KMT2C: variants seen among roughly 807,000 people sequenced by gnomAD.
The protein encoded by KMT2C is lysine methyltransferase 2C, also known as histone-lysine N-methyltransferase 2C.
A neutral mutation model predicts 507.9 loss-of-function variants in KMT2C; 88 were observed. That is an observed-to-expected ratio of 0.17 (90% CI 0.15 to 0.21). KMT2C has a LOEUF of 0.21. Among genes scored for constraint, KMT2C ranks in the 10% least tolerant of loss-of-function variants. The pLI is 1.00. For missense variants in KMT2C, 4,954 were observed against 5,957.8 expected (o/e 0.83, Z 5.55); for synonymous variants, 2,049 against 2,080.8 (o/e 0.98, Z 0.42).
rs1395146799 is a variant in KMT2C at position 152,146,607 on chromosome 7, C to T, written c.14023G>A (p.Ala4675Thr). 13 of 1,614,060 alleles carry T rather than the reference C, an allele frequency of 8.1e-6. No individual in the cohort carries two copies. Among genetic ancestry groups the T allele is most frequent in the Non-Finnish European group, 1.1e-5 (13 of 1,180,028 alleles). ...GLTVSAVARI[A>T]ESLPGVEACE... The stretch of plus-strand genomic sequence containing the variant: ...CTGACCAAGACACTCACTGATTCCG[C>T]TATGCGTGCCACTGCAGAGACGGTC... The change falls in exon 53 of 59, where the codon GCG becomes ACG. Residue 4675 changes from alanine to threonine, a missense_variant. By Grantham distance (58) the Ala-to-Thr change is moderately conservative. This residue lies in a region of KMT2C where 221 missense variants were observed against 304.7 expected (regional missense o/e 0.73). Transcript: ENST00000262189.
At chr7:152,290,270 ATATATATATATATATATATATATATTT>A (rs2096394658) in intron 6 of KMT2C, among the ~76,000 whole-genome samples, 4 of 22,164 alleles carry the variant, frequency 1.8e-4, no homozygotes, top group Non-Finnish European at 3.1e-4. Context: ...ATATATATAT[ATATATATATATATATATATATATATTT>A]TTTTTTTTTT....
intron 7 of KMT2C, among the ~76,000 whole-genome samples, chr7:152,266,716 T>G (rs1317194954): frequency 6.6e-6 from 1 of 152,310 alleles, no homozygotes; most frequent in Non-Finnish European, 1.5e-5. Context: ...TTAGGCTTTG[T>G]GAGCCATAGC....
At chr7:152,336,362 CCTA>C (rs923946438) in intron 2 of KMT2C, among the ~76,000 whole-genome samples, 2 of 152,148 alleles carry the variant, frequency 1.3e-5, no homozygotes, top group African/African-American at 4.8e-5. Context: ...TCTCTCTTCT[CCTA>C]ATCCTAGTCT....
At chr7:152,252,806 T>C (rs1650926004) in intron 9 of KMT2C, 91 bp from the exon 10 acceptor site, 1 of 920,650 alleles carries the variant, frequency 1.1e-6, no homozygotes, top group East Asian at 2.7e-5. Context: ...CATGAATCAT[T>C]TGTGGATTAT....
At chr7:152,149,564 G>A (rs978456512) in intron 51 of KMT2C, among the ~76,000 whole-genome samples, 7 of 152,262 alleles carry the variant, frequency 4.6e-5, no homozygotes, top group Non-Finnish European at 8.8e-5. Context: ...AAATAAGAAC[G>A]CTGCAGCATC....
chr7:152,190,091 G>C (rs1242028706), intron 31 of KMT2C, among the ~76,000 whole-genome samples: 1 of 152,186 alleles, frequency 6.6e-6, no homozygotes, highest in Non-Finnish European at 1.5e-5. Context: ...CTCATGATCT[G>C]AGGTGGAACA....
In KMT2C at chr7:152,181,787, A is replaced by T. The variant is rs141338021; in HGVS notation, c.6073T>A (p.Ser2025Thr). The T allele has an allele frequency of 3.3e-4, 540 of 1,614,162 alleles. 1 individual carries two copies. The African/African-American group carries it at 6.4e-3, about 19-fold the overall frequency. ...DVFQRQRIPD[S>T]YARPLLTPAP... ...GGTGTCAACAAGGGTCGTGCATATG[A>T]GTCAGGTATCCTTTGTCTTTGAAAC... is the stretch of plus-strand genomic sequence containing the variant. The change falls in exon 36 of 59, where the codon TCA becomes ACA. Residue 2025 changes from serine (S) to threonine (T), a missense_variant. Ser to Thr is a moderately conservative substitution (Grantham distance 58). Around this residue, in one of 29 missense-constraint regions of KMT2C, gnomAD observed 1,689 missense variants for 1,654.3 expected, o/e 1.02. Transcript: ENST00000262189.
At position 152,310,670 on chromosome 7, in the gene KMT2C, T is replaced by TG. The variant is rs563070878; in HGVS notation, c.740-596_740-595insC. 1.7e-3 allele frequency among the ~76,000 whole-genome samples: 264 copies of TG among 152,102 alleles called. 2 individuals are homozygous for TG. Among genetic ancestry groups the TG allele is most frequent in the Middle Eastern group, 0.01 (3 of 294 alleles). On this transcript the variant is annotated intron_variant, in intron 5 of 58. Transcript: ENST00000262189. Reference sequence around the variant, plus strand: ...CAATCTGTGTTTGGTTCTGTTTTTTTTTGTTGTTGTTGTTTTGTTTTGGTT... The same window carrying TG: ...CAATCTGTGTTTGGTTCTGTTTTTTTGTTGTTGTTGTTGTTTTGTTTTGGTT...
intron 14 of KMT2C, among the ~76,000 whole-genome samples, chr7:152,247,662 T>C (rs2095495707): frequency 6.6e-6 from 1 of 152,298 alleles, no homozygotes; most frequent in Non-Finnish European, 1.5e-5. Flanking sequence ...TATCAATAGG[T>C]TGCATCTTTA....
rs2093250982 is a variant in KMT2C, at chr7:152,177,382, A to C, written c.8071T>G (p.Ser2691Ala). The change falls in exon 38 of 59, where the codon TCT (serine) becomes GCT (alanine). Residue 2691 changes from serine (S) to alanine (A), a missense_variant. Around this residue, in one of 29 missense-constraint regions of KMT2C, gnomAD observed 1,689 missense variants for 1,654.3 expected, o/e 1.02. Transcript: ENST00000262189. ...AGTTCCTTCACAGAAGGGTCATCAG[A>C]ATCAAGTTTTTCCTCTAGACCATCA... ...PSDGLEEKLD[S>A]DDPSVKELDV... 1.2e-6 allele frequency: 2 copies of C among 1,614,078 alleles called. No homozygotes were observed. The highest frequency in any genetic ancestry group is 1.3e-5 in the African/African-American group (1 of 74,932).
chr7:152,304,871 T>C (rs2096601611), intron 6 of KMT2C, among the ~76,000 whole-genome samples: 1 of 152,114 alleles, frequency 6.6e-6, no homozygotes, highest in African/African-American at 2.4e-5. Context: ...TTTGGCAAAA[T>C]AAAAACGTCT....
chr7:152,371,903 C>T (rs1357656813), intron 1 of KMT2C, among the ~76,000 whole-genome samples: 9 of 151,980 alleles, frequency 5.9e-5, no homozygotes, highest in Non-Finnish European at 4.4e-5. Flanking sequence ...TGTGAGCCAC[C>T]GTGCCTGGCC....
intron 41 of KMT2C, among the ~76,000 whole-genome samples, chr7:152,167,631 A>C (rs1462637139): frequency 2.0e-5 from 3 of 152,242 alleles, no homozygotes; most frequent in Non-Finnish European, 4.4e-5. Flanking sequence ...TTACAAATCC[A>C]ATCTTGGAAA....
At chr7:152,282,028 G>A (rs527531268) in intron 6 of KMT2C, among the ~76,000 whole-genome samples, 4 of 152,042 alleles carry the variant, frequency 2.6e-5, no homozygotes, top group Admixed American at 6.5e-5. Context: ...ACGGTGGCTC[G>A]TGCATGTAAT....
In KMT2C at chr7:152,176,801, T is replaced by C. The variant is rs2093230921; in HGVS notation, c.8652A>G (p.Arg2884=). The part of the protein sequence containing the change: ...DPDLFEKRTN[R]ETAGPSANVI... ...CATTTGCACTGGGGCCAGCAGTTTC[T>C]CGATTGGTTCTTTTCTCAAATAGAT... Residue 2884 remains arginine, a synonymous_variant, in exon 38 of 59, where the codon CGA becomes CGG. Coordinates refer to ENST00000262189, the MANE Select transcript of KMT2C (RefSeq NM_170606.3). 6.2e-7 allele frequency: 1 copy of C among 1,614,108 alleles called. No individual in the cohort carries two copies. The highest frequency in any genetic ancestry group is 1.3e-5 in the African/African-American group (1 of 74,940).
At chr7:152,400,971 A>G (rs183465833) in intron 1 of KMT2C, among the ~76,000 whole-genome samples, 5 of 152,328 alleles carry the variant, frequency 3.3e-5, no homozygotes, top group African/African-American at 1.2e-4. Context: ...TCGTGAAAAT[A>G]TGACAAGAAA....
rs2093664177 is a variant in KMT2C, at chr7:152,187,610, C to T, written c.4793+105G>A. The T allele has an allele frequency of 6.2e-6, 9 of 1,450,868 alleles. No homozygotes were observed. In the South Asian group the frequency reaches 9.1e-5, roughly 15 times the overall value. 89.9% of individuals were successfully genotyped at this position (1,450,868 alleles called of 1,614,324 possible). A position where few individuals can be genotyped will look rare whatever the true frequency, so the allele number is the denominator to read the frequency against. ...TTTATAGCAAAAGCCACAATAAACG[C>T]AACATACAATAATATCATACACAAT... On this transcript the variant is annotated intron_variant, in intron 32 of 58. Transcript: ENST00000262189.
At chr7:152,287,026 C>T (rs1317818165) in intron 6 of KMT2C, among the ~76,000 whole-genome samples, 7 of 152,222 alleles carry the variant, frequency 4.6e-5, no homozygotes, top group Non-Finnish European at 1.0e-4. Flanking sequence ...ACATAGTCAG[C>T]CATTCCCCAC....
intron 16 of KMT2C, among the ~76,000 whole-genome samples, chr7:152,234,277 G>C (rs1235259189): frequency 6.6e-6 from 1 of 152,064 alleles, no homozygotes. Context: ...AGCTACCCAG[G>C]GGGCTGAGGC....
Sources: allele counts gnomAD v4.1 joint callset (sites outside exome capture counted in the v4.1 genomes callset), GRCh38; gene constraint gnomAD v4.1.1; regional missense constraint gnomAD v4.1.1; transcripts MANE v1.5; gene names NCBI Gene and HGNC (gene_info 2026-07-23, HGNC 2026-07-21).